RBFOX1: variants seen among roughly 807,000 people sequenced by gnomAD.
The protein encoded by RBFOX1 is RNA binding protein fox-1 homolog 1.
A neutral mutation model predicts 57.7 loss-of-function variants in RBFOX1; 8 were observed. That is an observed-to-expected ratio of 0.14 (90% CI 0.08 to 0.25). The LOEUF (loss-of-function observed/expected upper bound fraction) is 0.25. Among genes scored for constraint, RBFOX1 ranks in the 10% least tolerant of loss-of-function variants. The pLI is 1.00. For synonymous variants in RBFOX1, 326 were observed against 222.4 expected (o/e 1.47, Z -4.15); for missense variants, 611 against 548.5 (o/e 1.11, Z -1.14).
intron 2 of RBFOX1, among the ~76,000 whole-genome samples, chr16:6,534,612 C>T (rs999223299): frequency 3.3e-5 from 5 of 152,096 alleles, no homozygotes; most frequent in African/African-American, 1.2e-4. Flanking sequence ...GTGATTTACA[C>T]TAATCGTCAC....
intron 10 of RBFOX1, among the ~76,000 whole-genome samples, chr16:7,613,522 G>A (rs1336017376): frequency 1.3e-5 from 2 of 152,120 alleles, no homozygotes; most frequent in Non-Finnish European, 2.9e-5. Flanking sequence ...ATGGGAAAGT[G>A]GATTTGGATC....
chr16:5,982,408 G>T (rs774346262), intron 4 of RBFOX1, among the ~76,000 whole-genome samples: 1 of 151,988 alleles, frequency 6.6e-6, no homozygotes, highest in Non-Finnish European at 1.5e-5. Context: ...CCAAGTAGCT[G>T]GGATTACAGG....
intron 3 of RBFOX1, among the ~76,000 whole-genome samples, chr16:6,847,918 A>T (rs1304281954): frequency 6.6e-6 from 1 of 151,866 alleles, no homozygotes; most frequent in Non-Finnish European, 1.5e-5. Flanking sequence ...GCTCACTGCA[A>T]CCTCTGTATC....
chr16:7,241,714 CAA>C (rs1194059373), intron 4 of RBFOX1, among the ~76,000 whole-genome samples: 1 of 152,048 alleles, frequency 6.6e-6, no homozygotes, highest in African/African-American at 2.4e-5. Context: ...TACAAATGGA[CAA>C]ATATATATGC....
intron 4 of RBFOX1, among the ~76,000 whole-genome samples, chr16:5,881,679 C>G (rs1403928333): frequency 6.6e-6 from 1 of 151,038 alleles, no homozygotes; most frequent in East Asian, 1.9e-4. Context: ...GACTCCATCT[C>G]AAAAAAAAAG....
chr16:5,512,434 GTCTC>G (rs140825573), intron 2 of RBFOX1, among the ~76,000 whole-genome samples: 2 of 148,460 alleles, frequency 1.3e-5, no homozygotes, highest in African/African-American at 4.9e-5. Flanking sequence ...CTCTCTCTCT[GTCTC>G]TCTCTCTCTT....
At chr16:5,459,892 A>G (rs1031116551) in intron 1 of RBFOX1, among the ~76,000 whole-genome samples, 5 of 151,798 alleles carry the variant, frequency 3.3e-5, no homozygotes, top group Middle Eastern at 3.2e-3. Flanking sequence ...ATCCCTTCCA[A>G]CAACACCTTA....
At chr16:5,839,509 A>T (rs1447539079) in intron 3 of RBFOX1, among the ~76,000 whole-genome samples, 4 of 152,172 alleles carry the variant, frequency 2.6e-5, no homozygotes, top group African/African-American at 9.7e-5. Context: ...GGAAACATTT[A>T]TTAAGCGCTA....
At chr16:6,727,986 C>T (rs1400617525) in intron 3 of RBFOX1, among the ~76,000 whole-genome samples, 1 of 152,122 alleles carries the variant, frequency 6.6e-6, no homozygotes, top group Non-Finnish European at 1.5e-5. Context: ...CTTTAAATTC[C>T]CTATCTGTAA....
intron 4 of RBFOX1, among the ~76,000 whole-genome samples, chr16:7,324,518 T>C (rs564428132): frequency 1.4e-4 from 22 of 152,322 alleles, no homozygotes; most frequent in African/African-American, 5.1e-4. Flanking sequence ...CAGTTGTCAT[T>C]CATCCCCAGA....
intron 4 of RBFOX1, among the ~76,000 whole-genome samples, chr16:7,436,687 C>T (rs1014109317): frequency 6.6e-5 from 10 of 152,198 alleles, no homozygotes; most frequent in South Asian, 4.1e-4. Flanking sequence ...TCCTGAGCTC[C>T]AGCTCCTGGT....
At chr16:6,902,245 G>A (rs899157583) in intron 3 of RBFOX1, among the ~76,000 whole-genome samples, 3 of 152,116 alleles carry the variant, frequency 2.0e-5, no homozygotes, top group Non-Finnish European at 4.4e-5. Flanking sequence ...GTAACTCACA[G>A]TTTCTGTATT....
intron 4 of RBFOX1, among the ~76,000 whole-genome samples, chr16:7,289,479 T>G (rs2095717035): frequency 6.6e-6 from 1 of 152,094 alleles, no homozygotes; most frequent in Non-Finnish European, 1.5e-5. Context: ...TCACCACCAT[T>G]ATGATTATCA....
intron 2 of RBFOX1, among the ~76,000 whole-genome samples, chr16:5,537,611 C>T (rs8058410): frequency 0.42 from 64,293 of 151,960 alleles, 14,018 homozygotes; most frequent in African/African-American, 0.45. Flanking sequence ...TGGCTGTAAA[C>T]TGAAGGTTGT....
At chr16:5,902,832 A>G (rs564971188) in intron 4 of RBFOX1, among the ~76,000 whole-genome samples, 1 of 152,238 alleles carries the variant, frequency 6.6e-6, no homozygotes, top group Admixed American at 6.5e-5. Flanking sequence ...ACACTGAACT[A>G]AAAGTGTATC....
At chr16:6,731,551 C>T (rs896018410) in intron 3 of RBFOX1, among the ~76,000 whole-genome samples, 2 of 152,080 alleles carry the variant, frequency 1.3e-5, no homozygotes, top group Non-Finnish European at 2.9e-5. Context: ...TTTGCCCATG[C>T]ACAATAGGAG....
chr16:6,686,086 C>T (rs1568211393), intron 3 of RBFOX1, among the ~76,000 whole-genome samples: 1 of 152,138 alleles, frequency 6.6e-6, no homozygotes, highest in Non-Finnish European at 1.5e-5. Flanking sequence ...CTCAGCACTG[C>T]ATTATTTCAT....
At chr16:6,544,961 G>A (rs539938466) in intron 2 of RBFOX1, among the ~76,000 whole-genome samples, 172 of 152,304 alleles carry the variant, frequency 1.1e-3, no homozygotes, top group Middle Eastern at 3.4e-3. Context: ...TAGGCAAAGG[G>A]TGATTAAGCA....
chr16:5,263,942 C>G (rs763623472), intron 1 of RBFOX1, among the ~76,000 whole-genome samples: 3 of 152,192 alleles, frequency 2.0e-5, no homozygotes, highest in Admixed American at 1.3e-4. Context: ...TGTTGTGATT[C>G]TTTCCAGTAT....
Sources: gnomAD v4.1 joint callset for allele counts (sites outside exome capture counted in the v4.1 genomes callset) on GRCh38, gnomAD v4.1.1 for gene constraint, MANE v1.5 for transcripts, NCBI Gene and HGNC (gene_info 2026-07-23, HGNC 2026-07-21) for gene names.